Variants in MACROD2 observed in about 807,000 individuals in gnomAD.
MACROD2 encodes ADP-ribose glycohydrolase MACROD2.
A neutral mutation model predicts 70.4 loss-of-function variants in MACROD2; 36 were observed. The ratio of observed to expected loss-of-function variants is 0.51; its 90% CI spans 0.39 to 0.68. The LOEUF is 0.68. MACROD2 is among the 30% of genes least tolerant of loss of function. The probability of loss-of-function intolerance (pLI) is 0.00; values close to 1 mark genes in which losing one functional copy is unlikely to be tolerated. For synonymous variants in MACROD2, 172 were observed against 178.8 expected (o/e 0.96, Z 0.30); for missense variants, 496 against 538.4 (o/e 0.92, Z 0.78).
chr20:14,032,288 G>GT (rs2053254971), intron 2 of MACROD2, among the ~76,000 whole-genome samples: 2 of 151,882 alleles, frequency 1.3e-5, no homozygotes, highest in African/African-American at 4.8e-5. Flanking sequence ...TGTTACCCTT[G>GT]TGTGTATGTG....
intron 2 of MACROD2, among the ~76,000 whole-genome samples, chr20:14,042,581 C>A (rs911230787): frequency 2.6e-5 from 4 of 152,184 alleles, no homozygotes; most frequent in Non-Finnish European, 4.4e-5. Context: ...TCACTGCAAC[C>A]TGCAACCTCC....
At chr20:15,079,597 C>T (rs907788707) in intron 5 of MACROD2, among the ~76,000 whole-genome samples, 3 of 152,144 alleles carry the variant, frequency 2.0e-5, no homozygotes, top group Non-Finnish European at 4.4e-5. Flanking sequence ...TTAACATTCA[C>T]ACCTCCCTGG....
chr20:16,014,667 C>T (rs1005028602), intron 15 of MACROD2, among the ~76,000 whole-genome samples: 7 of 152,210 alleles, frequency 4.6e-5, no homozygotes, highest in African/African-American at 1.7e-4. Context: ...CCTTCCTGTC[C>T]CTGGCTCCCC....
chr20:14,275,658 G>A (rs1347737727), intron 3 of MACROD2, among the ~76,000 whole-genome samples: 1 of 152,102 alleles, frequency 6.6e-6, no homozygotes, highest in Non-Finnish European at 1.5e-5. Context: ...AAGAGCTTCT[G>A]CACAGCAAAA....
intron 5 of MACROD2, among the ~76,000 whole-genome samples, chr20:15,213,805 A>T (rs887104368): frequency 6.6e-6 from 1 of 152,206 alleles, no homozygotes; most frequent in Admixed American, 6.5e-5. Flanking sequence ...AGAAAGCCAC[A>T]TTTATCAGAA....
At chr20:14,169,341 G>A (rs12625480) in intron 3 of MACROD2, among the ~76,000 whole-genome samples, 14 of 151,660 alleles carry the variant, frequency 9.2e-5, no homozygotes, top group African/African-American at 3.4e-4. Flanking sequence ...TTTCACTCTT[G>A]TTGCCCAGGG....
At chr20:15,855,083 T>C (rs1030430913) in intron 8 of MACROD2, among the ~76,000 whole-genome samples, 2 of 152,162 alleles carry the variant, frequency 1.3e-5, no homozygotes, top group Admixed American at 1.3e-4. Context: ...TGTTGGTTGT[T>C]GGGGAAGCAA....
Position 15,334,612 on chromosome 20 carries a change from A to G in MACROD2, c.541-96793A>G, listed in dbSNP as rs1319034305. On this transcript the variant is annotated intron_variant, in intron 6 of 17. Coordinates refer to ENST00000684519, the MANE Select transcript of MACROD2 (RefSeq NM_001351661.2). ...TTTTAAAAAAAAACTGCAAAGTGCCATTCAAATGTTAGCTATTGAGAGTTA... is the reference window on the plus strand; with the variant it reads ...TTTTAAAAAAAAACTGCAAAGTGCCGTTCAAATGTTAGCTATTGAGAGTTA... Among the ~76,000 whole-genome samples the G allele has an allele frequency of 2.6e-5, 4 of 151,652 alleles. 1 individual carries two copies. The highest frequency in any genetic ancestry group is 9.8e-5 in the African/African-American group (4 of 40,988).
chr20:15,847,237 C>T (rs2064243597), intron 8 of MACROD2, among the ~76,000 whole-genome samples: 1 of 152,002 alleles, frequency 6.6e-6, no homozygotes, highest in Admixed American at 6.6e-5. Context: ...TCGGCTAAGC[C>T]CATGGAACAA....
chr20:15,044,761 T>C (rs1410943518), intron 5 of MACROD2, among the ~76,000 whole-genome samples: 1 of 152,118 alleles, frequency 6.6e-6, no homozygotes, highest in Non-Finnish European at 1.5e-5. Flanking sequence ...GCTCTGGGGG[T>C]TGCTACAGCC....
intron 8 of MACROD2, among the ~76,000 whole-genome samples, chr20:15,537,852 C>A (rs986937167): frequency 6.6e-6 from 1 of 152,134 alleles, no homozygotes; most frequent in African/African-American, 2.4e-5. Flanking sequence ...AGATCACGAC[C>A]CCAGTCATAT....
chr20:14,511,575 T>C (rs1409254422), intron 4 of MACROD2, among the ~76,000 whole-genome samples: 3 of 146,812 alleles, frequency 2.0e-5, no homozygotes, highest in South Asian at 2.1e-4. Context: ...TTCTTTTCCA[T>C]AGTGAATAAA....
At chr20:15,961,031 C>A (rs2066053095) in intron 12 of MACROD2, among the ~76,000 whole-genome samples, 1 of 151,922 alleles carries the variant, frequency 6.6e-6, no homozygotes, top group South Asian at 2.1e-4. Context: ...TTAGAAAGTC[C>A]CCAAATTGGA....
chr20:15,860,134 C>CA (rs1401256321), intron 8 of MACROD2, among the ~76,000 whole-genome samples: 8 of 151,918 alleles, frequency 5.3e-5, no homozygotes, highest in Non-Finnish European at 1.5e-5. Context: ...GACTCCATCT[C>CA]AAAAAAACAA....
intron 8 of MACROD2, among the ~76,000 whole-genome samples, chr20:15,738,169 A>C (rs2051052812): frequency 6.6e-6 from 1 of 152,194 alleles, no homozygotes; most frequent in Non-Finnish European, 1.5e-5. Context: ...ATAACTGTAC[A>C]TTTTAAAGTA....
chr20:14,559,349 A>G (rs980436089), intron 4 of MACROD2, among the ~76,000 whole-genome samples: 1 of 151,804 alleles, frequency 6.6e-6, no homozygotes, highest in Non-Finnish European at 1.5e-5. Context: ...TATTTTACAT[A>G]AAAACATTCT....
At chr20:14,495,566 G>A (rs981910234) in intron 4 of MACROD2, among the ~76,000 whole-genome samples, 1 of 152,132 alleles carries the variant, frequency 6.6e-6, no homozygotes, top group African/African-American at 2.4e-5. Context: ...TGGAGGTTGA[G>A]GAAAACAGTG....
chr20:14,285,087 T>A (rs2122421333), intron 3 of MACROD2, among the ~76,000 whole-genome samples: 1 of 152,296 alleles, frequency 6.6e-6, no homozygotes, highest in South Asian at 2.1e-4. Context: ...GTTGGCACAC[T>A]CTTTCCCCCT....
chr20:14,211,159 G>A (rs540872852), intron 3 of MACROD2, among the ~76,000 whole-genome samples: 1 of 152,266 alleles, frequency 6.6e-6, no homozygotes, highest in East Asian at 1.9e-4. Context: ...GTTCTATCAG[G>A]AAAGTAATTG....
Sources: gnomAD v4.1 joint callset for allele counts (sites outside exome capture counted in the v4.1 genomes callset) on GRCh38, gnomAD v4.1.1 for gene constraint, MANE v1.5 for transcripts, NCBI Gene and HGNC (gene_info 2026-07-23, HGNC 2026-07-21) for gene names.